Variants in NID1 observed in about 807,000 individuals in gnomAD.
NID1 encodes nidogen 1.
Under a neutral mutation model 130.6 loss-of-function variants are expected in NID1, and 76 were observed. The observed-to-expected ratio is 0.58, with a 90% CI of 0.48 to 0.70. NID1 has a LOEUF of 0.70. Ranked by LOEUF, NID1 falls within the 30% of genes least tolerant of loss-of-function variation. The pLI is 0.00. For synonymous variants in NID1, 665 were observed against 675.1 expected (o/e 0.98, Z 0.23); for missense variants, 1,517 against 1,664.8 (o/e 0.91, Z 1.54).
rs747328744 is a variant in NID1, at chr1:235,979,853, C to T, written c.3478G>A (p.Gly1160Arg). 1.1e-5 allele frequency: 17 copies of T among 1,613,932 alleles called. No homozygotes were observed. The highest frequency in any genetic ancestry group is 9.9e-5 in the South Asian group (9 of 91,076). ...LQYPFAVTSY[G>R]KNLYFTDWKM... ...CAGTCTGTGAAATACAGATTCTTCC[C>T]GTAGCTCGTCACAGCAAAAGGATAC... Residue 1160 changes from glycine (G) to arginine (R), a missense_variant, in exon 18 of 20, where the codon GGG becomes AGG. This residue lies in a region of NID1 where 181 missense variants were observed against 211.3 expected (regional missense o/e 0.86). Coordinates refer to ENST00000264187, the MANE Select transcript of NID1 (RefSeq NM_002508.3). This position sits in a 1 kb window ranked among gnomAD's most constrained non-coding sequence, Gnocchi z 4.6.
chr1:236,060,247 A>C (rs750951745), intron 1 of NID1, among the ~76,000 whole-genome samples: 2 of 152,162 alleles, frequency 1.3e-5, no homozygotes, highest in African/African-American at 4.8e-5. Flanking sequence ...CATATAGGGT[A>C]ACTTTCTGAC....
intron 5 of NID1, among the ~76,000 whole-genome samples, chr1:236,034,988 C>T (rs867135575): frequency 0.023 from 2,597 of 112,006 alleles, 87 homozygotes; most frequent in African/African-American, 0.11. Context: ...TTTTTTCTTT[C>T]TTTCTTTCTT....
At chr1:235,988,945 G>A (rs116291150) in intron 14 of NID1, among the ~76,000 whole-genome samples, 3,052 of 152,048 alleles carry the variant, frequency 0.02, 97 homozygotes, top group African/African-American at 0.067. Context: ...GAATGGAGGT[G>A]ATAGTTGCAT....
rs540142984 is a variant in NID1, at chr1:235,982,860, A to G, written c.3056-1078T>C. On this transcript the variant is annotated intron_variant, in intron 15 of 19. Coordinates refer to ENST00000264187, the MANE Select transcript of NID1 (RefSeq NM_002508.3). ...ATCTGGGGTATGAGGCAACCATTCC[A>G]ATACTGTGGGTTTTTTTGTTTTGTT... Among the ~76,000 whole-genome samples, 36 of 152,146 alleles carry G rather than the reference A, an allele frequency of 2.4e-4. No homozygotes were observed. In the South Asian group the frequency reaches 7.5e-3, roughly 32 times the overall value.
At chr1:236,049,256 T>A (rs1179197750) in intron 1 of NID1, among the ~76,000 whole-genome samples, 2 of 152,168 alleles carry the variant, frequency 1.3e-5, no homozygotes, top group African/African-American at 4.8e-5. Flanking sequence ...GACTGCTAAT[T>A]GGTGTGCGTA....
intron 1 of NID1, among the ~76,000 whole-genome samples, chr1:236,049,565 G>C (rs1659703099): frequency 6.6e-6 from 1 of 152,160 alleles, no homozygotes; most frequent in South Asian, 2.1e-4. Context: ...ATAAGGGAAA[G>C]GACTGACACA....
chr1:236,062,569 G>A (rs902709848), intron 1 of NID1, among the ~76,000 whole-genome samples: 3 of 148,920 alleles, frequency 2.0e-5, no homozygotes, highest in Non-Finnish European at 4.4e-5. Context: ...GGGAGGCGGA[G>A]GTTGTGGTGA....
At position 235,993,705 on chromosome 1, in the gene NID1, C is replaced by T. The variant is rs748671846; in HGVS notation, c.2695G>A (p.Val899Met). 4.4e-6 allele frequency: 7 copies of T among 1,605,584 alleles called. No homozygotes were observed. In the East Asian group the frequency reaches 1.3e-4, roughly 31 times the overall value. The change falls in exon 13 of 20, where the codon GTG (valine) becomes ATG (methionine). Residue 899 changes from valine to methionine, a missense_variant. This residue lies in a region of NID1 where 1,329 missense variants were observed against 1,429.2 expected (regional missense o/e 0.93). Coordinates refer to ENST00000264187, the MANE Select transcript of NID1 (RefSeq NM_002508.3). ...TCCACCTCGCGGCCGTCGCGATCCA[C>T]GCACCAGCAGTAGCCGGTGCTGCCG... ...CHGSTGYCWC[V>M]DRDGREVEGT...
chr1:236,038,060 C>T, intron 5 of NID1, 44 bp downstream of exon 5: 2 of 1,563,606 alleles, frequency 1.3e-6, no homozygotes, highest in Non-Finnish European at 1.7e-6. Flanking sequence ...AAAAACTCCG[C>T]TCCTCCTTCT....
chr1:236,037,054 C>T (rs536759845), intron 5 of NID1, among the ~76,000 whole-genome samples: 3 of 152,162 alleles, frequency 2.0e-5, no homozygotes, highest in Admixed American at 6.5e-5. Flanking sequence ...GATGGTGCAC[C>T]GAGTGAACAT....
At chr1:236,053,186 T>G (rs930674223) in intron 1 of NID1, among the ~76,000 whole-genome samples, 2 of 152,222 alleles carry the variant, frequency 1.3e-5, no homozygotes, top group Non-Finnish European at 2.9e-5. Context: ...TTTATTCATC[T>G]TAAATGTATG....
At chr1:236,062,066 A>G (rs962667242) in intron 1 of NID1, among the ~76,000 whole-genome samples, 1 of 152,226 alleles carries the variant, frequency 6.6e-6, no homozygotes, top group Non-Finnish European at 1.5e-5. Context: ...CAGGAATTCC[A>G]GTCCTAGGTA....
In NID1 at chr1:236,038,264, A is replaced by G. The variant is rs769548611; in HGVS notation, c.1136-11T>C. The G allele has an allele frequency of 1.2e-6, 2 of 1,611,592 alleles. No homozygotes were observed. The highest frequency in any genetic ancestry group is 2.2e-5 in the East Asian group (1 of 44,794). Reference sequence around the variant, plus strand: ...TGTTATAGCTGAAAACTGGTCCAAGAAAACAATTGCACACCTGTAAGCATT... The same window carrying G: ...TGTTATAGCTGAAAACTGGTCCAAGGAAACAATTGCACACCTGTAAGCATT... On this transcript the variant is annotated splice_polypyrimidine_tract_variant and intron_variant, in intron 4 of 19. Coordinates refer to ENST00000264187, the MANE Select transcript of NID1 (RefSeq NM_002508.3).
Position 235,980,058 on chromosome 1 carries a change from A to G in NID1, c.3386-113T>C, listed in dbSNP as rs571178697. On this transcript the variant is annotated intron_variant, in intron 17 of 19. Transcript: ENST00000264187. ...GGGAGAAATTAAGCATTACAATGAC[A>G]AGTCCCAGAGAACACATGAGGCTTG... 7 of 1,232,004 alleles carry G rather than the reference A, an allele frequency of 5.7e-6. No individual in the cohort carries two copies. The South Asian group carries it at 9.0e-5, about 16-fold the overall frequency. The allele number at this position is 1,232,004 out of a possible 1,614,324, so 76.3% of individuals were successfully genotyped here.
In NID1 at chr1:235,976,337, T is replaced by A. The variant is rs1657249589; in HGVS notation, c.*1530A>T. 1 of 152,234 alleles carries A rather than the reference T, an allele frequency of 6.6e-6. No individual in the cohort carries two copies. The highest frequency in any genetic ancestry group is 1.5e-5 in the Non-Finnish European group (1 of 68,044). The allele number at this position is 152,234 out of a possible 1,614,324, so 9.4% of individuals were successfully genotyped here. ...CCCAAAGAGAGTATCAGGCAAATTC[T>A]TCCATGTTCTCAAGTATAAGTGGTC... is the stretch of plus-strand genomic sequence containing the variant. On this transcript the variant is annotated 3_prime_UTR_variant, in exon 20 of 20. Coordinates refer to ENST00000264187, the MANE Select transcript of NID1 (RefSeq NM_002508.3).
intron 14 of NID1, among the ~76,000 whole-genome samples, chr1:235,990,049 A>T (rs546076048): frequency 1.1e-4 from 16 of 152,264 alleles, no homozygotes; most frequent in Non-Finnish European, 1.5e-5. Flanking sequence ...CATGAATCTC[A>T]TAAAGACTTC....
chr1:236,036,328 T>C (rs902448263), intron 5 of NID1, among the ~76,000 whole-genome samples: 2 of 152,220 alleles, frequency 1.3e-5, no homozygotes, highest in East Asian at 1.9e-4. Flanking sequence ...TTGCTGAAGG[T>C]AGTATTTTTT....
Position 236,048,710 on chromosome 1 carries a change from C to T in NID1, c.505G>A (p.Asp169Asn), listed in dbSNP as rs149063694. 3.1e-6 allele frequency: 5 copies of T among 1,611,240 alleles called. No individual in the cohort carries two copies. In the African/African-American group the frequency reaches 4.0e-5, roughly 13 times the overall value. ...CTTACCTTGCCTTTCTGGTCTGGGTCCCTGCTGGGCCCTTGGTAGGGGGCC... is the reference window on the plus strand; with the variant it reads ...CTTACCTTGCCTTTCTGGTCTGGGTTCCTGCTGGGCCCTTGGTAGGGGGCC... ...SVAPYQGPSR[D>N]PDQKGKRNTF... Residue 169 changes from aspartate (D) to asparagine (N), a missense_variant, in exon 2 of 20, where the codon GAC (aspartate) becomes AAC (asparagine). This residue lies in a region of NID1 where 1,329 missense variants were observed against 1,429.2 expected (regional missense o/e 0.93). Transcript: ENST00000264187.
chr1:236,064,768 G>T, intron 1 of NID1, 87 bp downstream of exon 1: 1 of 1,315,642 alleles, frequency 7.6e-7, no homozygotes, highest in Non-Finnish European at 1.0e-6. Context: ...GTCCCCGCCT[G>T]CTACGCCCAA....
Sources: gnomAD v4.1 joint callset for allele counts (sites outside exome capture counted in the v4.1 genomes callset) on GRCh38, gnomAD v4.1.1 for gene constraint, gnomAD v4.1.1 regional missense constraint, Gnocchi (gnomAD v3.1) non-coding constraint, MANE v1.5 for transcripts, NCBI Gene and HGNC (gene_info 2026-07-23, HGNC 2026-07-21) for gene names.